DEFB131A: variants seen among roughly 807,000 people sequenced by gnomAD.
The protein encoded by DEFB131A is beta-defensin 131A.
In DEFB131A, 5 loss-of-function variants were observed where a neutral mutation model predicts 2.4. The ratio of observed to expected loss-of-function variants is 2.12; its 90% CI spans 1.11 to 4.47. The LOEUF (loss-of-function observed/expected upper bound fraction) is 4.47, where lower values mean the gene tolerates loss of function less well. Ranked by LOEUF, DEFB131A falls within the 30% of genes most tolerant of loss-of-function variation. The pLI, the probability that DEFB131A is intolerant of heterozygous loss-of-function variation, is 0.00. For missense variants in DEFB131A, 120 were observed against 79.9 expected (o/e 1.50, Z -1.91); for synonymous variants, 34 against 25.7 (o/e 1.32, Z -0.97).
intron 1 of DEFB131A, among the ~76,000 whole-genome samples, chr4:9,446,004 C>T (rs1033843969): frequency 2.6e-5 from 4 of 152,062 alleles, no homozygotes; most frequent in Admixed American, 6.5e-5. Flanking sequence ...GTACTTCATT[C>T]CTTCATTCAG....
At chr4:9,448,889 G>C (rs994325451) in intron 1 of DEFB131A, among the ~76,000 whole-genome samples, 10 of 151,992 alleles carry the variant, frequency 6.6e-5, no homozygotes, top group Non-Finnish European at 1.5e-4. Context: ...GTTGGGGGGT[G>C]GGAATGAGTA....
At chr4:9,448,996 G>T (rs1334803465) in intron 1 of DEFB131A, among the ~76,000 whole-genome samples, 1 of 151,972 alleles carries the variant, frequency 6.6e-6, no homozygotes, top group Non-Finnish European at 1.5e-5. Context: ...CAGTAAAGTT[G>T]CAGGATAGAA....
chr4:9,450,271 T>A (rs1717620829), intron 1 of DEFB131A, 89 bp from the exon 2 acceptor site: 1 of 1,294,328 alleles, frequency 7.7e-7, no homozygotes, highest in Non-Finnish European at 9.9e-7. Flanking sequence ...AGTTCTGTAA[T>A]GTTTTTAATT....
intron 1 of DEFB131A, among the ~76,000 whole-genome samples, chr4:9,447,558 TGTCTTGGC>T (rs1476531512): frequency 6.6e-6 from 1 of 152,164 alleles, no homozygotes; most frequent in African/African-American, 2.4e-5. Flanking sequence ...TCCTGAGGCC[TGTCTTGGC>T]TTGCAGCTGC....
intron 1 of DEFB131A, among the ~76,000 whole-genome samples, 155 bp from the exon 2 acceptor site, chr4:9,450,205 C>A (rs1164748400): frequency 6.6e-6 from 1 of 152,156 alleles, no homozygotes; most frequent in African/African-American, 2.4e-5. Flanking sequence ...TGTCTTTATT[C>A]AGCATCTCCA....
chr4:9,447,530 G>A (rs1381966627), intron 1 of DEFB131A, among the ~76,000 whole-genome samples: 2 of 152,038 alleles, frequency 1.3e-5, no homozygotes, highest in Non-Finnish European at 2.9e-5. Context: ...AGATCAAGAT[G>A]TCAGCACATT....
At chr4:9,449,235 G>T (rs1461099117) in intron 1 of DEFB131A, among the ~76,000 whole-genome samples, 4 of 148,418 alleles carry the variant, frequency 2.7e-5, no homozygotes, top group Non-Finnish European at 4.5e-5. Flanking sequence ...TGGAAGACAT[G>T]ATAATATTAA....
intron 1 of DEFB131A, among the ~76,000 whole-genome samples, chr4:9,449,611 A>G (rs1717599464): frequency 6.6e-6 from 1 of 151,896 alleles, no homozygotes; most frequent in African/African-American, 2.4e-5. Flanking sequence ...AAACATAAGG[A>G]GAACCTTTCA....
intron 1 of DEFB131A, among the ~76,000 whole-genome samples, chr4:9,445,370 G>A (rs574228618): frequency 9.2e-5 from 14 of 152,146 alleles, no homozygotes; most frequent in Admixed American, 1.3e-4. Context: ...TTTGTATGGT[G>A]AGAGTTAAGA....
At chr4:9,446,665 C>T (rs1333856592) in intron 1 of DEFB131A, among the ~76,000 whole-genome samples, 4 of 151,784 alleles carry the variant, frequency 2.6e-5, no homozygotes, top group Non-Finnish European at 5.9e-5. Context: ...TTTCTTGTTC[C>T]TTGAGGTGCA....
intron 1 of DEFB131A, 62 bp from the exon 2 acceptor site, chr4:9,450,298 A>C: frequency 1.5e-6 from 2 of 1,377,002 alleles, no homozygotes; most frequent in Non-Finnish European, 1.9e-6. Context: ...AAAACATTTC[A>C]GACATTTAAC....
intron 1 of DEFB131A, 99 bp downstream of exon 1, chr4:9,444,690 T>A (rs1458108094): frequency 8.1e-7 from 1 of 1,239,912 alleles, no homozygotes; most frequent in African/African-American, 1.5e-5. Flanking sequence ...CATGGGCAGA[T>A]TTTACTGTAC....
intron 1 of DEFB131A, among the ~76,000 whole-genome samples, chr4:9,447,709 C>A (rs1179184094): frequency 1.4e-5 from 2 of 145,270 alleles, no homozygotes; most frequent in Non-Finnish European, 3.0e-5. Context: ...TTAGCTTTAT[C>A]AGTCCTTAAA....
At chr4:9,444,813 T>G (rs757394063) in intron 1 of DEFB131A, among the ~76,000 whole-genome samples, 1 of 151,666 alleles carries the variant, frequency 6.6e-6, no homozygotes, top group Non-Finnish European at 1.5e-5. Flanking sequence ...CAGTGGCTCA[T>G]GTCTATAATC....
At chr4:9,445,631 T>C (rs1237124000) in intron 1 of DEFB131A, among the ~76,000 whole-genome samples, 1 of 151,894 alleles carries the variant, frequency 6.6e-6, no homozygotes, top group Non-Finnish European at 1.5e-5. Context: ...GATTCCCTTA[T>C]TTATATAATT....
intron 1 of DEFB131A, among the ~76,000 whole-genome samples, chr4:9,447,331 A>G (rs1050184829): frequency 1.3e-4 from 20 of 152,114 alleles, no homozygotes; most frequent in Admixed American, 6.5e-4. Context: ...TGGCCCTTTT[A>G]TCATTATATG....
chr4:9,446,818 T>A (rs1336461563), intron 1 of DEFB131A, among the ~76,000 whole-genome samples: 2 of 152,318 alleles, frequency 1.3e-5, no homozygotes, highest in East Asian at 3.9e-4. Context: ...ACATTTGTTA[T>A]TTTCTTCTTT....
At chr4:9,446,772 T>C (rs1431605385) in intron 1 of DEFB131A, among the ~76,000 whole-genome samples, 5 of 152,284 alleles carry the variant, frequency 3.3e-5, no homozygotes, top group Admixed American at 6.5e-5. Flanking sequence ...CCATAGGTTT[T>C]GGTATGTTGT....
rs1197513911 is a variant in DEFB131A at position 9,450,267 on chromosome 4, G to T, written c.59-93G>T. 5 of 1,284,242 alleles carry T rather than the reference G, an allele frequency of 3.9e-6. No individual in the cohort carries two copies. The African/African-American group carries it at 4.6e-5, about 12-fold the overall frequency. The allele number at this position is 1,284,242 out of a possible 1,614,324, so 79.6% of individuals were successfully genotyped here. A position where few individuals can be genotyped will look rare whatever the true frequency, so the allele number is the denominator to read the frequency against. ...GATTTTGTTTTTCTGGGAAAGTTCT[G>T]TAATGTTTTTAATTTATTATAAAAC... On this transcript the variant is annotated intron_variant, in intron 1 of 1. Coordinates refer to ENST00000334879, the MANE Select transcript of DEFB131A (RefSeq NM_001040448.3).
Sources: gnomAD v4.1 joint callset for allele counts (sites outside exome capture counted in the v4.1 genomes callset) on GRCh38, gnomAD v4.1.1 for gene constraint, MANE v1.5 for transcripts, NCBI Gene and HGNC (gene_info 2026-07-23, HGNC 2026-07-21) for gene names.